Variants in CAPS2 observed in about 807,000 individuals in gnomAD.
CAPS2 encodes the protein calcyphosin-2.
Under a neutral mutation model 86.5 loss-of-function variants are expected in CAPS2, and 98 were observed. The observed-to-expected ratio is 1.13, with a 90% CI of 0.96 to 1.34. The LOEUF is 1.34. Among genes scored for constraint, CAPS2 ranks in the 40% most tolerant of loss-of-function variants. CAPS2 has a pLI of 0.00. For missense variants in CAPS2, 729 were observed against 686.8 expected (o/e 1.06, Z -0.69); for synonymous variants, 210 against 225.1 (o/e 0.93, Z 0.60).
intron 11 of CAPS2, among the ~76,000 whole-genome samples, chr12:75,296,878 G>C (rs367906512): frequency 7.6e-4 from 116 of 152,230 alleles, no homozygotes; most frequent in Middle Eastern, 3.4e-3. Context: ...TTTTACTATG[G>C]GAAATATTCA....
intron 1 of CAPS2, among the ~76,000 whole-genome samples, chr12:75,353,879 A>G (rs1181101529): frequency 1.3e-5 from 2 of 152,238 alleles, no homozygotes; most frequent in Non-Finnish European, 2.9e-5. Context: ...CATCAGAACT[A>G]AAGACAAAAA....
intron 1 of CAPS2, among the ~76,000 whole-genome samples, chr12:75,368,091 G>A (rs1318987445): frequency 2.0e-5 from 3 of 151,582 alleles, no homozygotes; most frequent in African/African-American, 7.3e-5. Flanking sequence ...TGTATCAAAC[G>A]GTTTCTAATA....
intron 15 of CAPS2, among the ~76,000 whole-genome samples, chr12:75,282,826 A>G (rs548952767): frequency 3.3e-5 from 5 of 152,328 alleles, no homozygotes; most frequent in African/African-American, 1.2e-4. Flanking sequence ...TAAATACAGG[A>G]GGAAAGATAG....
chr12:75,356,549 A>C (rs2043169895), intron 1 of CAPS2, among the ~76,000 whole-genome samples: 1 of 152,218 alleles, frequency 6.6e-6, no homozygotes, highest in Admixed American at 6.5e-5. Context: ...ACAAAGAGTA[A>C]TCGCAAATAA....
At chr12:75,339,890 G>A (rs1352254261) in intron 1 of CAPS2, among the ~76,000 whole-genome samples, 2 of 151,972 alleles carry the variant, frequency 1.3e-5, no homozygotes, top group South Asian at 4.1e-4. Flanking sequence ...AGTGCCCAAT[G>A]TGTAGTCTTT....
intron 1 of CAPS2, among the ~76,000 whole-genome samples, chr12:75,348,060 A>G (rs2042572096): frequency 6.6e-6 from 1 of 152,168 alleles, no homozygotes; most frequent in African/African-American, 2.4e-5. Context: ...ATAATATAAA[A>G]TAAGTGGAAT....
chr12:75,332,729 G>A (rs2041417943), upstream of CAPS2, among the ~76,000 whole-genome samples: 1 of 152,134 alleles, frequency 6.6e-6, no homozygotes, highest in Admixed American at 6.5e-5. Context: ...TCCTGTTCAA[G>A]GTGCTAGAGA....
At chr12:75,330,378 G>C (rs1344621879), upstream of CAPS2, among the ~76,000 whole-genome samples, 2 of 152,234 alleles carry the variant, frequency 1.3e-5, no homozygotes, top group Non-Finnish European at 2.9e-5. Flanking sequence ...ACTCACCCGC[G>C]CTTCTCCTGA....
At position 75,289,873 on chromosome 12, in the gene CAPS2, G is replaced by T. The variant is rs1431413535; in HGVS notation, c.1241-98C>A. ...TAAGAAAATTAAAGTTGATGTAACT[G>T]AAATAAGGAATGTGAATATTCAAAC... On this transcript the variant is annotated intron_variant, in intron 13 of 16. Coordinates refer to ENST00000393284, the Ensembl canonical transcript of CAPS2. The T allele has an allele frequency of 7.2e-6, 6 of 833,386 alleles. No homozygotes were observed. The Admixed American group carries it at 1.5e-4, about 20-fold the overall frequency. The allele number at this position is 833,386 out of a possible 1,614,324, so 51.6% of individuals were successfully genotyped here. A position where few individuals can be genotyped will look rare whatever the true frequency, so the allele number is the denominator to read the frequency against.
At chr12:75,321,628 TC>T in intron 4 of CAPS2, 52 bp from the exon 5 acceptor site, 1 of 1,335,704 alleles carries the variant, frequency 7.5e-7, no homozygotes, top group Non-Finnish European at 1.0e-6. Flanking sequence ...GTATTAATTT[TC>T]CTTATTGGCA....
Position 75,358,054 on chromosome 12 carries a change from A to T in CAPS2, c.-395+32784T>A, listed in dbSNP as rs892562685. Among the ~76,000 whole-genome samples the T allele has an allele frequency of 2.0e-5, 3 of 151,868 alleles. No individual in the cohort carries two copies. The East Asian group carries it at 5.8e-4, about 29-fold the overall frequency. On this transcript the variant is annotated intron_variant, in intron 1 of 5. Coordinates refer to the CAPS2 transcript ENST00000551829. The stretch of plus-strand genomic sequence containing the variant: ...GAAAAACAGTTAAAAACATCGATGA[A>T]AACTAAAGATTAACATTTTATTAAT...
intron 5 of CAPS2, among the ~76,000 whole-genome samples, chr12:75,317,269 A>G (rs1171600454): frequency 1.3e-5 from 2 of 152,202 alleles, no homozygotes; most frequent in Non-Finnish European, 2.9e-5. Context: ...TATTTATTCA[A>G]TAAATGAATA....
chr12:75,302,311 A>G (rs1488456023), intron 8 of CAPS2, among the ~76,000 whole-genome samples: 1 of 152,232 alleles, frequency 6.6e-6, no homozygotes, highest in African/African-American at 2.4e-5. Context: ...ATACTAATTA[A>G]GATAGGATAA....
intron 7 of CAPS2, 151 bp from the exon 8 acceptor site, chr12:75,305,027 T>G: frequency 1.8e-6 from 1 of 541,280 alleles, no homozygotes; most frequent in Non-Finnish European, 2.9e-6. Context: ...TATTAAAAAA[T>G]ATTTTCCATA....
At chr12:75,368,962 T>C (rs1013225243) in intron 1 of CAPS2, among the ~76,000 whole-genome samples, 7 of 152,020 alleles carry the variant, frequency 4.6e-5, no homozygotes, top group Non-Finnish European at 1.0e-4. Context: ...ATGTACTTCA[T>C]GTGTAGTTAT....
intron 8 of CAPS2, among the ~76,000 whole-genome samples, chr12:75,303,728 G>T (rs1311351761): frequency 6.6e-6 from 1 of 152,150 alleles, no homozygotes; most frequent in African/African-American, 2.4e-5. Context: ...TGGTAGAAGG[G>T]ACATGGCATA....
At chr12:75,337,196 G>T (rs1432802218) in intron 1 of CAPS2, among the ~76,000 whole-genome samples, 1 of 151,712 alleles carries the variant, frequency 6.6e-6, no homozygotes, top group East Asian at 1.9e-4. Context: ...ACTCAAGAAG[G>T]TAGGAAACAA....
exon 14 of CAPS2, chr12:75,289,651 T>C (rs776951767): frequency 6.8e-6 from 11 of 1,613,134 alleles, no homozygotes; most frequent in Non-Finnish European, 9.3e-6. Context: ...GAAACACTTT[T>C]AGAGCTTGCT....
At chr12:75,300,458 AGGCAGGAGAATGGC>A (rs767906086) in intron 8 of CAPS2, among the ~76,000 whole-genome samples, 6 of 143,962 alleles carry the variant, frequency 4.2e-5, no homozygotes, top group Non-Finnish European at 7.5e-5. Context: ...CAGGAGGCTG[AGGCAGGAGAATGGC>A]GTGAACCCGG....
Sources: gnomAD v4.1 joint callset for allele counts (sites outside exome capture counted in the v4.1 genomes callset) on GRCh38, gnomAD v4.1.1 for gene constraint, MANE v1.5 for transcripts, NCBI Gene and HGNC (gene_info 2026-07-23, HGNC 2026-07-21) for gene names.